The following HIBCH variants were observed in gnomAD, a reference collection of about 807,000 sequenced individuals.
HIBCH encodes 3-hydroxyisobutyryl-CoA hydrolase, mitochondrial.
HIBCH carries 50 observed loss-of-function variants against 58.2 expected under a neutral mutation model. That is an observed-to-expected ratio of 0.86 (90% confidence interval 0.68 to 1.09). The LOEUF is 1.09. Among genes scored for constraint, HIBCH ranks in the 50% least tolerant of loss-of-function variants. HIBCH has a pLI of 0.00. For missense variants in HIBCH, 450 were observed against 449.7 expected, an observed-to-expected ratio of 1.00 and a Z score of -0.01; for synonymous variants, 151 against 146.9, an observed-to-expected ratio of 1.03 and a Z score of -0.20.
At chr2:190,235,698 A>C (rs958071316) in intron 11 of HIBCH, among the ~76,000 whole-genome samples, 1 of 152,120 alleles carries the variant, frequency 6.6e-6, no homozygotes, top group Non-Finnish European at 1.5e-5. Flanking sequence ...CATTTGTCTA[A>C]GTATGTGGTA....
intron 6 of HIBCH, among the ~76,000 whole-genome samples, chr2:190,275,731 C>T (rs754900036): frequency 2.6e-5 from 4 of 152,174 alleles, no homozygotes; most frequent in Non-Finnish European, 5.9e-5. Flanking sequence ...GTTCAAGATG[C>T]CCACAGTGGC....
At chr2:190,244,148 C>T (rs998759983) in intron 11 of HIBCH, among the ~76,000 whole-genome samples, 19 of 148,718 alleles carry the variant, frequency 1.3e-4, no homozygotes, top group African/African-American at 2.9e-4. Flanking sequence ...TATATATATA[C>T]ACACACACAC....
chr2:190,208,791 G>A, intron 13 of HIBCH, 89 bp downstream of exon 13: 1 of 1,136,586 alleles, frequency 8.8e-7, no homozygotes. Context: ...TTTAGGATTT[G>A]GGATGCATAA....
intron 11 of HIBCH, among the ~76,000 whole-genome samples, chr2:190,228,114 T>C (rs544248447): frequency 1.2e-4 from 18 of 152,214 alleles, no homozygotes; most frequent in Non-Finnish European, 2.1e-4. Context: ...ATGTTTATTG[T>C]GGCACTATTC....
In HIBCH at chr2:190,271,964, G is replaced by A. The variant is rs565025490; in HGVS notation, c.439-10730C>T. ...ATTATCTTCTCACCCACACACTGTC[G>A]TTCAACACTGCATCGAACCCTTACA... On this transcript the variant is annotated intron_variant, in intron 6 of 13. Coordinates refer to ENST00000359678, the MANE Select transcript of HIBCH (RefSeq NM_014362.4). Among the ~76,000 whole-genome samples the A allele has an allele frequency of 3.9e-5, 6 of 152,220 alleles. No individual in the cohort carries two copies. In the South Asian group the frequency reaches 8.3e-4, roughly 21 times the overall value.
intron 11 of HIBCH, among the ~76,000 whole-genome samples, chr2:190,240,506 T>C (rs1158043923): frequency 6.6e-6 from 1 of 152,004 alleles, no homozygotes; most frequent in Non-Finnish European, 1.5e-5. Context: ...AGTTCTGCTT[T>C]GTTATTTCCT....
At chr2:190,275,395 G>T (rs1014955145) in intron 6 of HIBCH, among the ~76,000 whole-genome samples, 1 of 152,036 alleles carries the variant, frequency 6.6e-6, no homozygotes, top group African/African-American at 2.4e-5. Context: ...AAAAGTTCAC[G>T]GAATATGCAT....
At position 190,319,754 on chromosome 2, in the gene HIBCH, C is replaced by T. The variant is rs1454084228; in HGVS notation, c.-4G>A. The T allele has an allele frequency of 6.2e-7, 1 of 1,611,702 alleles. No individual in the cohort carries two copies. The highest frequency in any genetic ancestry group is 8.5e-7 in the Non-Finnish European group (1 of 1,179,120). ...TCCACATCTCGCGCTGCCCCATCGCCAAACACTCCGAAGCTAAAGCAGCAG... is the reference window on the plus strand; with the variant it reads ...TCCACATCTCGCGCTGCCCCATCGCTAAACACTCCGAAGCTAAAGCAGCAG... On this transcript the variant is annotated 5_prime_UTR_variant, in exon 1 of 14. Coordinates refer to ENST00000359678, the MANE Select transcript of HIBCH (RefSeq NM_014362.4).
intron 5 of HIBCH, among the ~76,000 whole-genome samples, chr2:190,288,489 CTAGA>C (rs897025905): frequency 5.4e-5 from 8 of 149,404 alleles, no homozygotes; most frequent in Admixed American, 2.7e-4. Context: ...GGACCACATA[CTAGA>C]TAGAGTACAA....
intron 11 of HIBCH, among the ~76,000 whole-genome samples, chr2:190,225,043 G>A (rs1254549371): frequency 6.6e-6 from 1 of 152,184 alleles, no homozygotes; most frequent in Admixed American, 6.5e-5. Context: ...CGAAATGAAG[G>A]CAGAAATAAG....
At chr2:190,310,190 T>C (rs753428015) in intron 2 of HIBCH, among the ~76,000 whole-genome samples, 2 of 152,202 alleles carry the variant, frequency 1.3e-5, no homozygotes, top group South Asian at 2.1e-4. Flanking sequence ...TCTTGGGCCT[T>C]TGGCCACAGA....
At chr2:190,258,980 T>C (rs1052001161) in intron 7 of HIBCH, among the ~76,000 whole-genome samples, 1 of 152,220 alleles carries the variant, frequency 6.6e-6, no homozygotes. Context: ...GTGGTCTACG[T>C]ATTCATTTTT....
intron 6 of HIBCH, among the ~76,000 whole-genome samples, chr2:190,264,893 T>C (rs1413652676): frequency 6.6e-6 from 1 of 151,708 alleles, no homozygotes. Flanking sequence ...GAGGCCGAGG[T>C]GGGCGGGTCA....
At position 190,304,822 on chromosome 2, in the gene HIBCH, T is replaced by C. The variant is rs891608408; in HGVS notation, c.78+5932A>G. Among the ~76,000 whole-genome samples, 7 of 152,324 alleles carry C rather than the reference T, an allele frequency of 4.6e-5. No homozygotes were observed. The highest frequency in any genetic ancestry group is 7.4e-5 in the Non-Finnish European group (5 of 68,020). ...CTCCAAAAGAAACTGAAGCAACTTA[T>C]AGATTAAAACAAAGTATAAAGAACT... On this transcript the variant is annotated intron_variant, in intron 2 of 13. Coordinates refer to ENST00000359678, the MANE Select transcript of HIBCH (RefSeq NM_014362.4). This position sits in a 1 kb window ranked among gnomAD's most constrained non-coding sequence, Gnocchi z 4.1.
rs181657259 is a variant in HIBCH, at chr2:190,295,580, G to C, written c.220-950C>G. Among the ~76,000 whole-genome samples the C allele has an allele frequency of 2.6e-3, 392 of 152,306 alleles. 7 individuals are homozygous for C. The highest frequency in any genetic ancestry group is 0.023 in the Admixed American group (354 of 15,284). ...AATTAAGGATGTTCAACCTGTACTA[G>C]AGAATAAATATGTAACGCACAAGGA... On this transcript the variant is annotated intron_variant, in intron 3 of 13. Transcript: ENST00000359678.
chr2:190,314,065 C>T (rs1055607454), intron 1 of HIBCH, among the ~76,000 whole-genome samples: 4 of 151,848 alleles, frequency 2.6e-5, no homozygotes, highest in Admixed American at 2.0e-4. Flanking sequence ...AGGGTGTTGC[C>T]AGATTTGCAA....
At chr2:190,200,307 T>C, downstream of HIBCH, 2 of 650,454 alleles carry the variant, frequency 3.1e-6, no homozygotes, top group Non-Finnish European at 5.4e-6. Flanking sequence ...AAATGCATTT[T>C]AAGTACTTCT....
intron 6 of HIBCH, among the ~76,000 whole-genome samples, chr2:190,269,595 A>G (rs1687333722): frequency 6.6e-6 from 1 of 152,214 alleles, no homozygotes; most frequent in Admixed American, 6.5e-5. Context: ...AAGGCAGTGG[A>G]AAAATGGGAA....
chr2:190,211,819 T>C lies in HIBCH; in HGVS notation c.1011+1137A>G, dbSNP rs1690517258. Among the ~76,000 whole-genome samples the C allele has an allele frequency of 6.6e-6, 1 of 152,212 alleles. No homozygotes were observed. Among genetic ancestry groups the C allele is most frequent in the Non-Finnish European group, 1.5e-5 (1 of 68,032 alleles). On this transcript the variant is annotated intron_variant, in intron 12 of 13. Transcript: ENST00000359678. This position sits in a 1 kb window ranked among gnomAD's most constrained non-coding sequence, Gnocchi z 5.0. ...GACTGTGTCTTCTTATTCAACAATA[T>C]AAGGCTAACACTGAGCACAGTGCCT...
Sources: allele counts gnomAD v4.1 joint callset (sites outside exome capture counted in the v4.1 genomes callset), GRCh38; gene constraint gnomAD v4.1.1; non-coding constraint Gnocchi (gnomAD v3.1); transcripts MANE v1.5; gene names NCBI Gene and HGNC (gene_info 2026-07-23, HGNC 2026-07-21).